Variants in MCHR2 observed in about 807,000 individuals in gnomAD.
MCHR2 encodes melanin concentrating hormone receptor 2, also known as melanin-concentrating hormone receptor 2.
Under a neutral mutation model 24.8 loss-of-function variants are expected in MCHR2, and 15 were observed. That is an observed-to-expected ratio of 0.60 (90% CI 0.40 to 0.93). The LOEUF (loss-of-function observed/expected upper bound fraction) is 0.93, where lower values mean the gene tolerates loss of function less well. MCHR2 is among the 40% of genes least tolerant of loss of function. The probability of loss-of-function intolerance (pLI) is 0.00; values close to 1 mark genes in which losing one functional copy is unlikely to be tolerated. For missense variants in MCHR2, 386 were observed against 408.7 expected (o/e 0.94, Z 0.48); for synonymous variants, 151 against 147.6 (o/e 1.02, Z -0.17).
intron 1 of MCHR2, among the ~76,000 whole-genome samples, chr6:99,987,426 A>T (rs1327280489): frequency 6.6e-6 from 1 of 152,130 alleles, no homozygotes; most frequent in Non-Finnish European, 1.5e-5. Context: ...TTTTCACAGC[A>T]TATAGTATGC....
intron 5 of MCHR2, among the ~76,000 whole-genome samples, chr6:99,929,115 C>T (rs13198912): frequency 6.6e-6 from 1 of 151,940 alleles, no homozygotes. Context: ...CATTCAGGAG[C>T]AGGTTGTTCA....
chr6:99,957,581 A>G (rs1775089831), intron 1 of MCHR2, among the ~76,000 whole-genome samples: 1 of 152,086 alleles, frequency 6.6e-6, no homozygotes, highest in Non-Finnish European at 1.5e-5. Context: ...TGGGGGAAGA[A>G]AAAAATAGGA....
chr6:99,994,066 G>C lies in MCHR2; in HGVS notation c.-158C>G, dbSNP rs117399293. The stretch of plus-strand genomic sequence containing the variant: ...GCGGGTCCCAGCTGACGGAAGGTGG[G>C]GGAGGAGTGCGAGGGTCTCTGAGAC... On this transcript the variant is annotated 5_prime_UTR_variant, in exon 1 of 6. Coordinates refer to ENST00000281806, the MANE Select transcript of MCHR2 (RefSeq NM_001040179.2). 7.9e-5 allele frequency: 12 copies of C among 152,546 alleles called. No homozygotes were observed. The East Asian group carries it at 2.1e-3, about 27-fold the overall frequency. The allele number at this position is 152,546 out of a possible 1,614,324, so 9.4% of individuals were successfully genotyped here. A position where few individuals can be genotyped will look rare whatever the true frequency, so the allele number is the denominator to read the frequency against.
At chr6:99,969,995 T>G (rs1423572531) in intron 1 of MCHR2, among the ~76,000 whole-genome samples, 25 of 140,690 alleles carry the variant, frequency 1.8e-4, no homozygotes, top group African/African-American at 5.9e-4. Context: ...AAGTCTGCTA[T>G]TGTGAATAGT....
chr6:99,986,434 G>A (rs959479116), intron 1 of MCHR2, among the ~76,000 whole-genome samples: 1 of 152,106 alleles, frequency 6.6e-6, no homozygotes, highest in African/African-American at 2.4e-5. Context: ...TCCATCAACT[G>A]ATGAGCAGAT....
chr6:99,931,700 A>T (rs1020825938), intron 5 of MCHR2, among the ~76,000 whole-genome samples: 2 of 152,110 alleles, frequency 1.3e-5, no homozygotes, highest in Non-Finnish European at 2.9e-5. Context: ...AAAGCGCAGT[A>T]TTAGGGTGGG....
intron 2 of MCHR2, among the ~76,000 whole-genome samples, chr6:99,951,150 G>A (rs1774957552): frequency 6.6e-6 from 1 of 152,156 alleles, no homozygotes. Context: ...TGGTGTTGGG[G>A]TGAGGGATGG....
At chr6:99,976,272 T>A (rs1268773632) in intron 1 of MCHR2, among the ~76,000 whole-genome samples, 1 of 152,212 alleles carries the variant, frequency 6.6e-6, no homozygotes, top group Non-Finnish European at 1.5e-5. Flanking sequence ...TGATATAACA[T>A]CCATTTCTGA....
chr6:99,950,232 T>C (rs981763112), intron 2 of MCHR2, among the ~76,000 whole-genome samples: 36 of 152,114 alleles, frequency 2.4e-4, no homozygotes, highest in African/African-American at 8.4e-4. Context: ...TAGGGCAATA[T>C]GAATAACACA....
chr6:99,972,252 C>G (rs575335425), intron 1 of MCHR2, among the ~76,000 whole-genome samples: 2 of 152,118 alleles, frequency 1.3e-5, no homozygotes, highest in South Asian at 4.2e-4. Flanking sequence ...TGTTATTGGT[C>G]TATTCAGAGA....
At chr6:99,986,570 CAG>C (rs1038417500) in intron 1 of MCHR2, among the ~76,000 whole-genome samples, 1 of 151,968 alleles carries the variant, frequency 6.6e-6, no homozygotes, top group African/African-American at 2.4e-5. Flanking sequence ...TGACTTGAAA[CAG>C]AAAGTCAAAA....
At chr6:99,961,120 T>G (rs534081675) in intron 1 of MCHR2, among the ~76,000 whole-genome samples, 34 of 151,558 alleles carry the variant, frequency 2.2e-4, no homozygotes, top group Non-Finnish European at 4.9e-4. Context: ...CTTAAACAAA[T>G]TTACAAGAAA....
chr6:99,930,695 C>A (rs1327893473), intron 5 of MCHR2, among the ~76,000 whole-genome samples: 1 of 152,164 alleles, frequency 6.6e-6, no homozygotes, highest in Non-Finnish European at 1.5e-5. Context: ...TCCATCAGCT[C>A]CTTTAAGCAC....
At chr6:99,933,715 A>G (rs1774592382) in intron 5 of MCHR2, among the ~76,000 whole-genome samples, 1 of 152,076 alleles carries the variant, frequency 6.6e-6, no homozygotes, top group Non-Finnish European at 1.5e-5. Context: ...TTCATAAGAA[A>G]CACAAAAATA....
rs578084681 is a variant in MCHR2, at chr6:99,970,572, C to T, written c.-27-14398G>A. Among the ~76,000 whole-genome samples the T allele has an allele frequency of 4.0e-4, 61 of 152,140 alleles. No individual in the cohort carries two copies. In the South Asian group the frequency reaches 0.012, roughly 31 times the overall value. On this transcript the variant is annotated intron_variant, in intron 1 of 5. Coordinates refer to ENST00000281806, the MANE Select transcript of MCHR2 (RefSeq NM_001040179.2). ...CAGAAGCTCTTTAGTTTAATTAGATCCCATTTGTCAATTTTGGCTTTTGTT... is the reference window on the plus strand; with the variant it reads ...CAGAAGCTCTTTAGTTTAATTAGATTCCATTTGTCAATTTTGGCTTTTGTT...
intron 1 of MCHR2, among the ~76,000 whole-genome samples, chr6:99,974,427 T>C (rs1252199814): frequency 6.6e-6 from 1 of 152,226 alleles, no homozygotes; most frequent in Non-Finnish European, 1.5e-5. Flanking sequence ...TTTAAGGACT[T>C]CTCTGCATTG....
At chr6:99,982,265 T>G (rs1057454764) in intron 1 of MCHR2, among the ~76,000 whole-genome samples, 4 of 151,850 alleles carry the variant, frequency 2.6e-5, no homozygotes, top group African/African-American at 9.7e-5. Context: ...AGTTAACGAC[T>G]CACATCAACC....
chr6:99,948,619 C>T (rs1055689318), intron 2 of MCHR2, among the ~76,000 whole-genome samples: 4 of 152,082 alleles, frequency 2.6e-5, no homozygotes, highest in South Asian at 2.1e-4. Context: ...ATTGGACACA[C>T]GTGAGACAGT....
At chr6:99,931,096 G>A (rs1034104160) in intron 5 of MCHR2, among the ~76,000 whole-genome samples, 1 of 152,180 alleles carries the variant, frequency 6.6e-6, no homozygotes, top group Non-Finnish European at 1.5e-5. Context: ...TTTGCTAGAG[G>A]TCCACTCCAG....
Sources: allele counts gnomAD v4.1 joint callset (sites outside exome capture counted in the v4.1 genomes callset), GRCh38; gene constraint gnomAD v4.1.1; transcripts MANE v1.5; gene names NCBI Gene and HGNC (gene_info 2026-07-23, HGNC 2026-07-21).